The following PCDH7 variants were observed in gnomAD, a reference collection of about 807,000 sequenced individuals.
PCDH7 encodes protocadherin 7, also known as protocadherin-7.
Under a neutral mutation model 58.9 loss-of-function variants are expected in PCDH7, and 17 were observed. The observed-to-expected ratio is 0.29, with a 90% CI of 0.20 to 0.43. The LOEUF is 0.43. Ranked by LOEUF, PCDH7 falls within the 20% of genes least tolerant of loss-of-function variation. PCDH7 has a pLI of 1.00. For missense variants in PCDH7, 1,274 were observed against 1,441.0 expected (o/e 0.88, Z 1.88); for synonymous variants, 664 against 616.4 (o/e 1.08, Z -1.14).
intron 2 of PCDH7, among the ~76,000 whole-genome samples, chr4:30,933,445 G>A (rs186878773): frequency 2.6e-5 from 4 of 152,180 alleles, no homozygotes; most frequent in African/African-American, 7.2e-5. Context: ...TTCAGTGTCC[G>A]CTACTAACCA....
chr4:30,911,091 A>G (rs1181374937), intron 1 of PCDH7, among the ~76,000 whole-genome samples: 6 of 152,140 alleles, frequency 3.9e-5, no homozygotes, highest in Non-Finnish European at 8.8e-5. Context: ...TCTCACTCAT[A>G]AGTGGGAGTT....
At position 30,996,502 on chromosome 4, in the gene PCDH7, T is replaced by C. The variant is rs138991715; in HGVS notation, c.*7+46287T>C. 2.0e-4 allele frequency among the ~76,000 whole-genome samples: 31 copies of C among 152,262 alleles called. 2 individuals carry two copies. Among genetic ancestry groups the C allele is most frequent in the Admixed American group, 3.3e-4 (5 of 15,298 alleles). ...CAAACAAAGGAAAGAGGAAAATGAC[T>C]TTTCTTCCCCTCCGAGAGACTTTGT... On this transcript the variant is annotated intron_variant, in intron 3 of 3. Coordinates refer to the PCDH7 transcript ENST00000509759.
intron 3 of PCDH7, among the ~76,000 whole-genome samples, chr4:31,080,733 C>T (rs1759431460): frequency 6.6e-6 from 1 of 152,110 alleles, no homozygotes; most frequent in Non-Finnish European, 1.5e-5. Context: ...AGCACTAGTA[C>T]CAAGCTAAAT....
chr4:30,788,553 A>G (rs1161784076), intron 1 of PCDH7, among the ~76,000 whole-genome samples: 2 of 152,162 alleles, frequency 1.3e-5, no homozygotes, highest in Non-Finnish European at 2.9e-5. Context: ...AATAAAAAAA[A>G]CTACTTTATA....
At chr4:30,844,695 T>A (rs1172881444) in intron 1 of PCDH7, among the ~76,000 whole-genome samples, 2 of 152,200 alleles carry the variant, frequency 1.3e-5, no homozygotes, top group Non-Finnish European at 2.9e-5. Flanking sequence ...ATAGCCATCT[T>A]TGTTTCAAAA....
chr4:30,736,542 T>A (rs868704396), downstream of PCDH7, among the ~76,000 whole-genome samples: 591 of 149,356 alleles, frequency 4.0e-3, 6 homozygotes, highest in African/African-American at 0.013. Context: ...TTTATTTTTT[T>A]TTTTTTTTTT....
chr4:31,144,892 G>A (rs964303401), downstream of PCDH7: 1 of 152,162 alleles, frequency 6.6e-6, no homozygotes, highest in African/African-American at 2.4e-5. Flanking sequence ...TGCAATTCTA[G>A]TACTTTGTTA....
chr4:30,910,356 A>G (rs896007055), intron 1 of PCDH7, among the ~76,000 whole-genome samples: 1 of 152,192 alleles, frequency 6.6e-6, no homozygotes, highest in Non-Finnish European at 1.5e-5. Context: ...CTGCACAGCA[A>G]AAGAATCTAT....
At chr4:30,869,972 C>G (rs1735359296) in intron 1 of PCDH7, among the ~76,000 whole-genome samples, 1 of 152,170 alleles carries the variant, frequency 6.6e-6, no homozygotes, top group Non-Finnish European at 1.5e-5. Flanking sequence ...TAACGATCGC[C>G]ATTCTAACTG....
At chr4:31,113,948 G>A (rs1019096980) in intron 3 of PCDH7, among the ~76,000 whole-genome samples, 15 of 147,302 alleles carry the variant, frequency 1.0e-4, no homozygotes, top group Admixed American at 9.0e-4. Flanking sequence ...TTCTCTTGCC[G>A]CAGCCTCCCT....
At chr4:30,981,586 G>T (rs371410149) in intron 3 of PCDH7, among the ~76,000 whole-genome samples, 5 of 152,180 alleles carry the variant, frequency 3.3e-5, no homozygotes, top group South Asian at 2.1e-4. Flanking sequence ...ACAATAAAAA[G>T]CTCATATTCT....
intron 1 of PCDH7, among the ~76,000 whole-genome samples, chr4:30,821,239 A>G (rs1306001799): frequency 6.6e-6 from 1 of 152,038 alleles, no homozygotes. Context: ...TTACTATTCT[A>G]CCTCCTCTTT....
At chr4:30,986,211 A>G (rs1750951961) in intron 3 of PCDH7, among the ~76,000 whole-genome samples, 1 of 152,100 alleles carries the variant, frequency 6.6e-6, no homozygotes, top group African/African-American at 2.4e-5. Flanking sequence ...TCTAACTTAC[A>G]GTTTCTTTTG....
intron 3 of PCDH7, among the ~76,000 whole-genome samples, chr4:31,021,148 T>C (rs1753987727): frequency 1.3e-5 from 2 of 152,244 alleles, no homozygotes; most frequent in South Asian, 4.1e-4. Context: ...TGATTACATT[T>C]GACAGTTTTG....
At chr4:30,846,300 A>C (rs1196724833) in intron 1 of PCDH7, among the ~76,000 whole-genome samples, 1 of 152,064 alleles carries the variant, frequency 6.6e-6, no homozygotes, top group Non-Finnish European at 1.5e-5. Flanking sequence ...TGTTGCTATC[A>C]CAGGAGGCAG....
At chr4:30,911,393 T>C (rs2109405404) in intron 1 of PCDH7, among the ~76,000 whole-genome samples, 1 of 150,616 alleles carries the variant, frequency 6.6e-6, no homozygotes, top group South Asian at 2.1e-4. Flanking sequence ...TATGGCTGTT[T>C]TTACACTCCG....
chr4:30,885,350 T>A (rs1490447972), intron 1 of PCDH7, among the ~76,000 whole-genome samples: 1 of 152,214 alleles, frequency 6.6e-6, no homozygotes, highest in Non-Finnish European at 1.5e-5. Flanking sequence ...AACTGTTTTA[T>A]CCTATGTGGT....
At chr4:31,060,678 G>A (rs147764416) in intron 3 of PCDH7, among the ~76,000 whole-genome samples, 272 of 151,750 alleles carry the variant, frequency 1.8e-3, no homozygotes, top group African/African-American at 6.2e-3. Context: ...CATATATGAA[G>A]GTTAGTGTGT....
intron 3 of PCDH7, among the ~76,000 whole-genome samples, chr4:31,087,446 A>T (rs1001571464): frequency 2.0e-5 from 3 of 152,144 alleles, no homozygotes; most frequent in African/African-American, 7.2e-5. Flanking sequence ...ATATTCTCAG[A>T]AAAACCATGT....
Sources: gnomAD v4.1 joint callset for allele counts (sites outside exome capture counted in the v4.1 genomes callset) on GRCh38, gnomAD v4.1.1 for gene constraint, MANE v1.5 for transcripts, NCBI Gene and HGNC (gene_info 2026-07-23, HGNC 2026-07-21) for gene names.